Variants in KLHDC8B observed in about 807,000 individuals in gnomAD.
KLHDC8B encodes kelch domain-containing protein 8B.
In KLHDC8B, 19 loss-of-function variants were observed where a neutral mutation model predicts 26.3. The observed-to-expected ratio is 0.72, with a 90% CI of 0.50 to 1.06. The LOEUF is 1.06. Ranked by LOEUF, KLHDC8B falls within the 50% of genes least tolerant of loss-of-function variation. The pLI, the probability that KLHDC8B is intolerant of heterozygous loss-of-function variation, is 0.00. For missense variants in KLHDC8B, 411 were observed against 488.1 expected, an observed-to-expected ratio of 0.84 and a Z score of 1.49; for synonymous variants, 150 against 188.4, an observed-to-expected ratio of 0.80 and a Z score of 1.67.
chr3:49,173,168 C>A, intron 2 of KLHDC8B, 23 bp downstream of exon 2: 1 of 1,548,318 alleles, frequency 6.5e-7, no homozygotes, highest in Non-Finnish European at 8.7e-7. Flanking sequence ...CCAAGGAAGG[C>A]ACTTCAGGTA....
At position 49,176,130 on chromosome 3, in the gene KLHDC8B, C is replaced by G. The variant is rs2045826662; in HGVS notation, c.*329C>G. The G allele has an allele frequency of 3.4e-6, 1 of 290,506 alleles. No homozygotes were observed. The highest frequency in any genetic ancestry group is 2.2e-5 in the African/African-American group (1 of 45,258). The allele number at this position is 290,506 out of a possible 1,614,324, so 18.0% of individuals were successfully genotyped here. On this transcript the variant is annotated 3_prime_UTR_variant, in exon 6 of 6. Transcript: ENST00000332780. Reference sequence around the variant, plus strand: ...CATGCTCTTCAGGGTCAGTTCCTATCTGGAGTTGACCAGGCCTACCCCAGT... The same window carrying G: ...CATGCTCTTCAGGGTCAGTTCCTATGTGGAGTTGACCAGGCCTACCCCAGT...
chr3:49,174,748 G>T lies in KLHDC8B; in HGVS notation c.548G>T (p.Arg183Leu). Residue 183 changes from arginine to leucine, a missense_variant, in exon 4 of 6, where the codon CGC becomes CTC. By Grantham distance (102) the Arg-to-Leu change is moderately radical. Coordinates refer to ENST00000332780, the MANE Select transcript of KLHDC8B (RefSeq NM_173546.3). ...HGNKIYVLGGRQGKLPVTAFE... is the reference protein window; with the variant it reads ...HGNKIYVLGGLQGKLPVTAFE... Reference sequence around the variant, plus strand: ...ACCCCAATTCCATTGACAGGGGGCCGCCAGGGCAAGCTCCCGGTGACTGCT... The same window carrying T: ...ACCCCAATTCCATTGACAGGGGGCCTCCAGGGCAAGCTCCCGGTGACTGCT... The T allele has an allele frequency of 6.2e-7, 1 of 1,602,776 alleles. No individual in the cohort carries two copies. The highest frequency in any genetic ancestry group is 8.5e-7 in the Non-Finnish European group (1 of 1,172,222).
chr3:49,174,822 C>T lies in KLHDC8B; in HGVS notation c.622C>T (p.Leu208=). Residue 208 remains leucine, a synonymous_variant, in exon 4 of 6, where the codon CTA becomes TTA. Coordinates refer to ENST00000332780, the MANE Select transcript of KLHDC8B (RefSeq NM_173546.3). ...EARTWTRHPS[L]PSRRAFAGCA... ...CCGTACATGGACCCGGCATCCAAGC[C>T]TACCCAGCCGTCGGGCCTTTGCTGG... 6 of 1,614,074 alleles carry T rather than the reference C, an allele frequency of 3.7e-6. No individual in the cohort carries two copies. The highest frequency in any genetic ancestry group is 5.1e-6 in the Non-Finnish European group (6 of 1,180,028).
chr3:49,175,820 C>G lies in KLHDC8B; in HGVS notation c.*19C>G. On this transcript the variant is annotated 3_prime_UTR_variant, in exon 6 of 6. Transcript: ENST00000332780. ...GGTCTGAAGGCTTGGTGGGAGCTGT[C>G]CACTGGAGCAGCTCATTGCCAGAGG... 1 of 1,611,330 alleles carries G rather than the reference C, an allele frequency of 6.2e-7. No homozygotes were observed. The highest frequency in any genetic ancestry group is 1.1e-5 in the South Asian group (1 of 91,012).
rs376406488 is a variant in KLHDC8B at position 49,175,221 on chromosome 3, C to G, written c.868+58C>G. 1.3e-5 allele frequency: 18 copies of G among 1,404,150 alleles called. No homozygotes were observed. The South Asian group carries it at 1.9e-4, about 15-fold the overall frequency. The allele number at this position is 1,404,150 out of a possible 1,614,324, so 87.0% of individuals were successfully genotyped here. On this transcript the variant is annotated intron_variant, in intron 5 of 5. Coordinates refer to ENST00000332780, the MANE Select transcript of KLHDC8B (RefSeq NM_173546.3). ...GTCCCAAGACAGGAAAGACTAGCCC[C>G]CAGCATGTGTGTCACCTTCTGCCCA...
chr3:49,174,569 G>A (rs1575549083), intron 3 of KLHDC8B, among the ~76,000 whole-genome samples, 166 bp downstream of exon 3: 1 of 152,270 alleles, frequency 6.6e-6, no homozygotes, highest in Non-Finnish European at 1.5e-5. Flanking sequence ...TGGTCTTGCT[G>A]TGGTTGGAAA....
Position 49,172,891 on chromosome 3 carries a change from G to A in KLHDC8B, c.122G>A (p.Arg41Gln), listed in dbSNP as rs373852462. ...GHLLVLGGCG[R>Q]AGLPLDTAET... is the part of the protein sequence containing the mutation. Reference sequence around the variant, plus strand: ...CTGCTGGTGTTGGGGGGTTGTGGCCGGGCTGGACTGCCCCTGGACACTGCT... The same window carrying A: ...CTGCTGGTGTTGGGGGGTTGTGGCCAGGCTGGACTGCCCCTGGACACTGCT... Residue 41 changes from arginine to glutamine, a missense_variant, in exon 2 of 6, where the codon CGG becomes CAG. Arg to Gln is a conservative substitution (Grantham distance 43, BLOSUM62 1). Transcript: ENST00000332780. 1.4e-5 allele frequency: 22 copies of A among 1,614,096 alleles called. No homozygotes were observed. The African/African-American group carries it at 1.7e-4, about 13-fold the overall frequency.
chr3:49,173,219 C>T (rs2045786204), intron 2 of KLHDC8B, 74 bp downstream of exon 2: 1 of 1,403,342 alleles, frequency 7.1e-7, no homozygotes, highest in Non-Finnish European at 9.5e-7. Flanking sequence ...GTCCCTTACC[C>T]TCAGAGACTG....
At chr3:49,174,716 C>T (rs1468724606) in intron 3 of KLHDC8B, 26 bp from the exon 4 acceptor site, 2 of 1,580,116 alleles carry the variant, frequency 1.3e-6, no homozygotes, top group South Asian at 1.2e-5. Context: ...TGGGCTCCTT[C>T]CCAGGTACCC....
chr3:49,172,323 G>A (rs2045775048), intron 1 of KLHDC8B, among the ~76,000 whole-genome samples: 1 of 152,146 alleles, frequency 6.6e-6, no homozygotes, highest in African/African-American at 2.4e-5. Context: ...GGAGAGTCCT[G>A]TTCTAGTCAC....
intron 3 of KLHDC8B, 100 bp from the exon 4 acceptor site, chr3:49,174,642 A>T: frequency 6.9e-7 from 1 of 1,441,772 alleles, no homozygotes; most frequent in Non-Finnish European, 9.3e-7. Context: ...TGCACACAGC[A>T]GGATGTGGGA....
intron 3 of KLHDC8B, 33 bp from the exon 4 acceptor site, chr3:49,174,709 G>A (rs1213553389): frequency 6.4e-7 from 1 of 1,573,224 alleles, no homozygotes; most frequent in Admixed American, 1.8e-5. Flanking sequence ...AGCCTCCTGG[G>A]CTCCTTCCCA....
chr3:49,172,274 A>T (rs939128643), intron 1 of KLHDC8B, among the ~76,000 whole-genome samples: 2 of 152,308 alleles, frequency 1.3e-5, no homozygotes, highest in Non-Finnish European at 2.9e-5. Context: ...ATGCAGGACC[A>T]GCGTGAGGCT....
intron 5 of KLHDC8B, among the ~76,000 whole-genome samples, chr3:49,175,401 C>T (rs553321998): frequency 6.6e-6 from 1 of 152,322 alleles, no homozygotes; most frequent in African/African-American, 2.4e-5. Context: ...AGCAGCAGGA[C>T]AAATGACCAC....
rs755689596 is a variant in KLHDC8B, at chr3:49,174,773, T to C, written c.573T>C (p.Ala191=). 2 of 1,612,362 alleles carry C rather than the reference T, an allele frequency of 1.2e-6. No individual in the cohort carries two copies. The highest frequency in any genetic ancestry group is 1.7e-6 in the Non-Finnish European group (2 of 1,178,884). The change falls in exon 4 of 6, where the codon GCT becomes GCC. Residue 191 remains alanine (A), a synonymous_variant. Coordinates refer to ENST00000332780, the MANE Select transcript of KLHDC8B (RefSeq NM_173546.3). The part of the protein sequence containing the change: ...GGRQGKLPVT[A]FEAFDLEART... ...GCCAGGGCAAGCTCCCGGTGACTGC[T>C]TTTGAAGCCTTTGATCTGGAGGCCC...
Position 49,172,689 on chromosome 3 carries a change from C to T in KLHDC8B, c.-81C>T. On this transcript the variant is annotated 5_prime_UTR_variant, in exon 2 of 6. Transcript: ENST00000332780. ...ATACCTCTTGTGGCCCTGGCAGAAT[C>T]AAGATGAGGCCCTGTCATGCCTCCC... 2.1e-6 allele frequency: 3 copies of T among 1,441,804 alleles called. No individual in the cohort carries two copies. Among genetic ancestry groups the T allele is most frequent in the South Asian group, 2.6e-5 (2 of 77,164 alleles). 89.3% of individuals were successfully genotyped at this position (1,441,804 alleles called of 1,614,324 possible). A position where few individuals can be genotyped will look rare whatever the true frequency, so the allele number is the denominator to read the frequency against.
At position 49,175,630 on chromosome 3, in the gene KLHDC8B, T is replaced by C. The variant is rs758587591; in HGVS notation, c.894T>C (p.Ser298=). Residue 298 remains serine, a synonymous_variant, in exon 6 of 6, where the codon TCT becomes TCC. Coordinates refer to ENST00000332780, the MANE Select transcript of KLHDC8B (RefSeq NM_173546.3). The part of the protein sequence containing the change: ...GLGNQPCPLG[S]VESFSLARRR... ...GAAACCAGCCATGTCCTTTGGGCTCTGTGGAGAGCTTTAGCCTTGCACGGC... is the reference window on the plus strand; with the variant it reads ...GAAACCAGCCATGTCCTTTGGGCTCCGTGGAGAGCTTTAGCCTTGCACGGC... 4.4e-6 allele frequency: 7 copies of C among 1,579,558 alleles called. No homozygotes were observed. Among genetic ancestry groups the C allele is most frequent in the African/African-American group, 1.4e-5 (1 of 74,044 alleles).
rs9586 is a variant in KLHDC8B, at chr3:49,176,204, C to T, written c.*403C>T. 0.77 allele frequency: 149,394 copies of T among 193,088 alleles called. 58,477 individuals are homozygous for T. The highest frequency in any genetic ancestry group is 0.99 in the East Asian group (6,201 of 6,244). The allele number at this position is 193,088 out of a possible 1,614,324, so 12.0% of individuals were successfully genotyped here. On this transcript the variant is annotated 3_prime_UTR_variant, in exon 6 of 6. Coordinates refer to ENST00000332780, the MANE Select transcript of KLHDC8B (RefSeq NM_173546.3). The stretch of plus-strand genomic sequence containing the variant: ...TGCCAGGCTGCCTTTAGGGTCCCTG[C>T]AGACCCAGGAGAGTTGAGAGGGTGG...
chr3:49,174,692 C>T, intron 3 of KLHDC8B, 50 bp from the exon 4 acceptor site: 2 of 1,548,362 alleles, frequency 1.3e-6, no homozygotes, highest in African/African-American at 1.4e-5. Flanking sequence ...GAGCAAGGAG[C>T]CCACCAAGCC....
Sources: gnomAD v4.1 joint callset for allele counts (sites outside exome capture counted in the v4.1 genomes callset) on GRCh38, gnomAD v4.1.1 for gene constraint, MANE v1.5 for transcripts, NCBI Gene and HGNC (gene_info 2026-07-23, HGNC 2026-07-21) for gene names.